The following ADAMTS17 variants were observed in gnomAD, a reference collection of about 807,000 sequenced individuals.
ADAMTS17 encodes the protein ADAM metallopeptidase with thrombospondin type 1 motif 17.
In ADAMTS17, 113 loss-of-function variants were observed where a neutral mutation model predicts 141.5. The observed-to-expected ratio is 0.80, with a 90% confidence interval of 0.69 to 0.93. ADAMTS17 has a LOEUF of 0.93. Ranked by LOEUF, ADAMTS17 falls within the 40% of genes least tolerant of loss-of-function variation. The pLI is 0.00. For missense variants in ADAMTS17, 1,659 were observed against 1,517.9 expected (o/e 1.09, Z -1.54); for synonymous variants, 768 against 630.6 (o/e 1.22, Z -3.27).
intron 4 of ADAMTS17, among the ~76,000 whole-genome samples, chr15:100,263,472 C>A (rs1034944569): frequency 6.6e-6 from 1 of 152,156 alleles, no homozygotes; most frequent in Non-Finnish European, 1.5e-5. Context: ...CTCAATTTTG[C>A]ATGTCTTGTT....
rs142048222 is a variant in ADAMTS17, at chr15:100,014,805, C to T, written c.2592-17216G>A. ...CATACGGTCTATCTTGGAGAAAGTT[C>T]CACAAGCTGTTGAATAGAATGTGTA... On this transcript the variant is annotated intron_variant, in intron 18 of 21. Coordinates refer to ENST00000268070, the MANE Select transcript of ADAMTS17 (RefSeq NM_139057.4). 5.5e-3 allele frequency among the ~76,000 whole-genome samples: 837 copies of T among 152,250 alleles called. 13 individuals are homozygous for T. Among genetic ancestry groups the T allele is most frequent in the African/African-American group, 0.019 (770 of 41,540 alleles).
chr15:100,266,216 T>C (rs1039199101), intron 4 of ADAMTS17, among the ~76,000 whole-genome samples: 5 of 152,208 alleles, frequency 3.3e-5, no homozygotes, highest in African/African-American at 1.2e-4. Context: ...CAGCACCACC[T>C]GCTTCCGTCT....
intron 20 of ADAMTS17, among the ~76,000 whole-genome samples, chr15:99,984,058 A>AC (rs549509035): frequency 1.1e-3 from 165 of 152,090 alleles, no homozygotes; most frequent in African/African-American, 3.8e-3. Flanking sequence ...CTTCCCAGAC[A>AC]CCCCCTCCCA....
At chr15:100,332,428 C>T (rs1384850252) in intron 2 of ADAMTS17, among the ~76,000 whole-genome samples, 1 of 152,226 alleles carries the variant, frequency 6.6e-6, no homozygotes, top group African/African-American at 2.4e-5. Flanking sequence ...GGATGGAGCC[C>T]CGCGTGGGAG....
intron 15 of ADAMTS17, among the ~76,000 whole-genome samples, chr15:100,077,385 C>T (rs2034453776): frequency 6.7e-6 from 1 of 150,164 alleles, no homozygotes. Flanking sequence ...TCGCTTGAAC[C>T]CGGTGGGCAA....
intron 3 of ADAMTS17, among the ~76,000 whole-genome samples, chr15:100,314,340 G>A (rs1405310193): frequency 6.6e-6 from 1 of 152,214 alleles, no homozygotes; most frequent in Non-Finnish European, 1.5e-5. Context: ...TAACAGTATT[G>A]TATCCCCTAA....
chr15:100,221,644 C>T (rs950907848), intron 7 of ADAMTS17, among the ~76,000 whole-genome samples: 4 of 152,196 alleles, frequency 2.6e-5, no homozygotes, highest in Non-Finnish European at 5.9e-5. Context: ...CTTGCTGAAG[C>T]CTTGGCACGT....
intron 10 of ADAMTS17, among the ~76,000 whole-genome samples, chr15:100,148,802 T>G (rs1596560809): frequency 6.7e-6 from 1 of 149,980 alleles, no homozygotes. Context: ...GTAGTCAGGG[T>G]AGGCCTCATT....
chr15:100,201,928 G>A (rs1208232934), intron 7 of ADAMTS17, among the ~76,000 whole-genome samples: 1 of 152,228 alleles, frequency 6.6e-6, no homozygotes, highest in South Asian at 2.1e-4. Flanking sequence ...CGCGGCCCAC[G>A]TGGGTGCACG....
At chr15:100,059,357 C>T (rs546939134) in intron 15 of ADAMTS17, among the ~76,000 whole-genome samples, 5 of 152,108 alleles carry the variant, frequency 3.3e-5, no homozygotes, top group East Asian at 1.9e-4. Context: ...CGCCTCTCCT[C>T]GGGACAGCGT....
chr15:100,184,036 T>TTGCTGC lies in ADAMTS17; in HGVS notation c.1181+15276_1181+15281dup, dbSNP rs530347722. ...GACAGCAGGGAGACAAGGGGTTTCA[T>TTGCTGC]TGCTGCTGCTGCTGCTGCTGGGAGC... On this transcript the variant is annotated intron_variant, in intron 8 of 21. Coordinates refer to ENST00000268070, the MANE Select transcript of ADAMTS17 (RefSeq NM_139057.4). Among the ~76,000 whole-genome samples, 1,152 of 152,092 alleles carry TTGCTGC rather than the reference T, an allele frequency of 7.6e-3. 14 individuals carry two copies. Among genetic ancestry groups the TTGCTGC allele is most frequent in the African/African-American group, 0.026 (1,092 of 41,484 alleles).
chr15:100,258,534 G>C (rs7163218), intron 6 of ADAMTS17, among the ~76,000 whole-genome samples: 1 of 152,170 alleles, frequency 6.6e-6, no homozygotes, highest in Admixed American at 6.5e-5. Flanking sequence ...CGAAAGGCAC[G>C]TCTCACATGG....
intron 18 of ADAMTS17, among the ~76,000 whole-genome samples, chr15:100,010,295 A>G (rs2061137128): frequency 1.3e-5 from 2 of 152,208 alleles, no homozygotes; most frequent in African/African-American, 2.4e-5. Flanking sequence ...CAGGGGCAAG[A>G]GCAGTGGGCG....
intron 10 of ADAMTS17, among the ~76,000 whole-genome samples, chr15:100,140,483 A>G (rs2038575060): frequency 1.6e-5 from 1 of 62,148 alleles, no homozygotes; most frequent in Non-Finnish European, 3.7e-5. Context: ...ACACACACAT[A>G]CATACATATA....
intron 15 of ADAMTS17, among the ~76,000 whole-genome samples, chr15:100,085,846 G>A (rs754930470): frequency 2.0e-5 from 3 of 151,990 alleles, no homozygotes; most frequent in Admixed American, 1.3e-4. Flanking sequence ...CTTGAAGGAA[G>A]CACTAAACAT....
chr15:100,296,980 T>C (rs2044844625), intron 3 of ADAMTS17, among the ~76,000 whole-genome samples: 1 of 152,170 alleles, frequency 6.6e-6, no homozygotes, highest in Non-Finnish European at 1.5e-5. Context: ...ATGTGACAGG[T>C]ACTATCAAGA....
intron 15 of ADAMTS17, among the ~76,000 whole-genome samples, chr15:100,077,040 C>G (rs1016549638): frequency 1.3e-5 from 2 of 151,830 alleles, no homozygotes; most frequent in African/African-American, 4.8e-5. Flanking sequence ...TGAATATGCA[C>G]AGAAAACCCC....
intron 17 of ADAMTS17, 105 bp downstream of exon 17, chr15:100,051,467 C>T: frequency 1.3e-6 from 2 of 1,499,296 alleles, no homozygotes; most frequent in South Asian, 2.3e-5. Flanking sequence ...TCCCATGGAG[C>T]TACAGGTTGC....
intron 3 of ADAMTS17, chr15:100,306,551 C>T: frequency 4.4e-6 from 2 of 456,058 alleles, no homozygotes; most frequent in Non-Finnish European, 8.8e-6. Context: ...TTCAAGTCCT[C>T]CCAGGTGAGG....
Sources: gnomAD v4.1 joint callset for allele counts (sites outside exome capture counted in the v4.1 genomes callset) on GRCh38, gnomAD v4.1.1 for gene constraint, MANE v1.5 for transcripts, NCBI Gene and HGNC (gene_info 2026-07-23, HGNC 2026-07-21) for gene names.